NHS: variants seen among roughly 807,000 people sequenced by gnomAD.
The protein encoded by NHS is NHS actin remodeling regulator, also known as actin remodeling regulator NHS.
Under a neutral mutation model 72.5 loss-of-function variants are expected in NHS, and 5 were observed. The observed-to-expected ratio is 0.07, with a 90% CI of 0.04 to 0.14. The LOEUF (loss-of-function observed/expected upper bound fraction) is 0.14, where lower values mean the gene tolerates loss of function less well. NHS is among the 10% of genes least tolerant of loss of function. NHS has a pLI of 1.00. For missense variants in NHS, 1,072 were observed against 1,355.7 expected (o/e 0.79, Z 3.29); for synonymous variants, 464 against 547.7 (o/e 0.85, Z 2.13).
At chrX:17,474,967 TGAG>T (rs1478441178) in intron 1 of NHS, among the ~76,000 whole-genome samples, 1 of 111,259 alleles carries the variant, frequency 9.0e-6, no homozygotes, top group Non-Finnish European at 1.9e-5. Context: ...TGCCTGAGAA[TGAG>T]GAGTAGGGTA....
intron 1 of NHS, among the ~76,000 whole-genome samples, chrX:17,616,629 G>A (rs941563480): frequency 6.3e-5 from 7 of 111,974 alleles, no homozygotes; most frequent in Non-Finnish European, 1.3e-4. Flanking sequence ...CATTGCACAC[G>A]TGCAGTGCAT....
intron 1 of NHS, among the ~76,000 whole-genome samples, chrX:17,450,683 C>T (rs972054722): frequency 8.9e-6 from 1 of 112,235 alleles, no homozygotes; most frequent in African/African-American, 3.2e-5. Flanking sequence ...CGAGACGAGC[C>T]TGGCCAACAT....
At chrX:17,597,717 A>G (rs2065631679) in intron 1 of NHS, among the ~76,000 whole-genome samples, 1 of 110,686 alleles carries the variant, frequency 9.0e-6, no homozygotes, top group African/African-American at 3.3e-5. Flanking sequence ...GGATTAGATA[A>G]GAGGGAACTC....
At chrX:17,390,853 C>A (rs1372508560) in intron 1 of NHS, among the ~76,000 whole-genome samples, 1 of 112,119 alleles carries the variant, frequency 8.9e-6, no homozygotes, top group Non-Finnish European at 1.9e-5. Flanking sequence ...ACCAGCGAAT[C>A]TCAGGCTGGT....
chrX:17,682,086 C>T (rs987617278), intron 1 of NHS, among the ~76,000 whole-genome samples: 1 of 110,583 alleles, frequency 9.0e-6, no homozygotes, highest in Admixed American at 9.6e-5. Flanking sequence ...TTGTACTTTA[C>T]CCTGTTCCTT....
At chrX:17,712,269 A>G (rs1441613181) in intron 3 of NHS, among the ~76,000 whole-genome samples, 2 of 77,852 alleles carry the variant, frequency 2.6e-5, no homozygotes, top group African/African-American at 9.1e-5. Context: ...ATATATATAT[A>G]TATATATATA....
chrX:17,663,321 A>G (rs1690892327), intron 1 of NHS, among the ~76,000 whole-genome samples: 1 of 111,823 alleles, frequency 8.9e-6, no homozygotes, highest in Non-Finnish European at 1.9e-5. Flanking sequence ...CATCCATGTA[A>G]CAACCTCCCA....
chrX:17,656,295 G>A (rs1428022034), intron 1 of NHS, among the ~76,000 whole-genome samples: 2 of 113,578 alleles, frequency 1.8e-5, no homozygotes, highest in Non-Finnish European at 3.7e-5. Flanking sequence ...GCCAGGGGAG[G>A]CTAGCCTCGG....
chrX:17,525,644 T>TC (rs1226010719), intron 1 of NHS, among the ~76,000 whole-genome samples: 3 of 104,270 alleles, frequency 2.9e-5, no homozygotes, highest in Admixed American at 1.0e-4. Flanking sequence ...TTTTCTTTTT[T>TC]TTTTTTTTTT....
At position 17,375,863 on chromosome X, in the gene NHS, C is replaced by T. The variant is rs893345497; in HGVS notation, c.106C>T (p.Pro36Ser). The change falls in exon 1 of 9, where the codon CCG (proline) becomes TCG (serine). Residue 36 changes from proline (P) to serine (S), a missense_variant. Physicochemically the swap from Pro to Ser is moderately conservative, Grantham distance 74. Coordinates refer to ENST00000676302, the MANE Select transcript of NHS (RefSeq NM_001291867.2). ...DASGGSAEPP[P>S]PLQPPGRRDL... ...GAGCGGAGGCAGCGCTGAGCCGCCGCCGCCCTTGCAGCCGCCGGGCCGGAG... is the reference window on the plus strand; with the variant it reads ...GAGCGGAGGCAGCGCTGAGCCGCCGTCGCCCTTGCAGCCGCCGGGCCGGAG... 4.3e-5 allele frequency: 48 copies of T among 1,117,704 alleles called. No individual in the cohort carries two copies. Among genetic ancestry groups the T allele is most frequent in the Admixed American group, 6.0e-5 (2 of 33,514 alleles). 92.1% of individuals were successfully genotyped at this position (1,117,704 alleles called of 1,213,427 possible).
At chrX:17,522,381 T>A (rs1005652757) in intron 1 of NHS, among the ~76,000 whole-genome samples, 3 of 111,110 alleles carry the variant, frequency 2.7e-5, no homozygotes, top group African/African-American at 9.8e-5. Flanking sequence ...TTTGGCCTGG[T>A]TGGTGCCATA....
intron 1 of NHS, among the ~76,000 whole-genome samples, chrX:17,385,639 T>C (rs1193914274): frequency 3.6e-5 from 4 of 112,294 alleles, no homozygotes; most frequent in East Asian, 2.8e-4. Context: ...TTAAAAACAC[T>C]ACATAATATT....
intron 1 of NHS, among the ~76,000 whole-genome samples, chrX:17,519,781 G>C (rs1373174495): frequency 9.0e-6 from 1 of 110,736 alleles, no homozygotes; most frequent in African/African-American, 3.3e-5. Context: ...GAGGGACTTA[G>C]GGGAAGGAAG....
chrX:17,595,054 G>C (rs2065619215), intron 1 of NHS, among the ~76,000 whole-genome samples: 1 of 112,024 alleles, frequency 8.9e-6, no homozygotes, highest in Admixed American at 9.4e-5. Flanking sequence ...TTCCACCAGA[G>C]TTAAGGGGAT....
intron 1 of NHS, among the ~76,000 whole-genome samples, chrX:17,439,985 C>T (rs948399182): frequency 1.8e-5 from 2 of 111,169 alleles, no homozygotes; most frequent in South Asian, 7.6e-4. Flanking sequence ...CGAGGCCAGG[C>T]GTGGTGGCTC....
intron 1 of NHS, among the ~76,000 whole-genome samples, chrX:17,406,901 G>C (rs1464644155): frequency 8.9e-6 from 1 of 112,144 alleles, no homozygotes; most frequent in African/African-American, 3.2e-5. Context: ...GATGCAGCCA[G>C]GGGCAAAGAG....
intron 1 of NHS, among the ~76,000 whole-genome samples, chrX:17,565,114 AC>A (rs1461092689): frequency 9.0e-6 from 1 of 111,187 alleles, no homozygotes; most frequent in Non-Finnish European, 1.9e-5. Flanking sequence ...AAGTTTCAGA[AC>A]CCAGATCTTT....
intron 1 of NHS, among the ~76,000 whole-genome samples, chrX:17,622,754 G>A (rs1001473786): frequency 2.7e-5 from 3 of 111,277 alleles, no homozygotes; most frequent in Non-Finnish European, 5.7e-5. Flanking sequence ...GATGCAGGAC[G>A]ATGGGTGCTG....
At chrX:17,506,587 A>T (rs1368914159) in intron 1 of NHS, among the ~76,000 whole-genome samples, 1 of 110,819 alleles carries the variant, frequency 9.0e-6, no homozygotes, top group African/African-American at 3.3e-5. Context: ...ATTCAGGTGC[A>T]CTTGTCCTGA....
Sources: allele counts gnomAD v4.1 joint callset (sites outside exome capture counted in the v4.1 genomes callset), GRCh38; gene constraint gnomAD v4.1.1; transcripts MANE v1.5; gene names NCBI Gene and HGNC (gene_info 2026-07-23, HGNC 2026-07-21).